The following MITF variants were observed in gnomAD, a reference collection of about 807,000 sequenced individuals.
MITF encodes the protein microphthalmia-associated transcription factor.
In MITF, 17 loss-of-function variants were observed where a neutral mutation model predicts 60.5. That is an observed-to-expected ratio of 0.28 (90% CI 0.19 to 0.42). The LOEUF is 0.42. MITF is among the 10% of genes least tolerant of loss of function. The probability of loss-of-function intolerance (pLI) is 1.00; values close to 1 mark genes in which losing one functional copy is unlikely to be tolerated. For missense variants in MITF, 622 were observed against 683.5 expected, an observed-to-expected ratio of 0.91 and a Z score of 1.00; for synonymous variants, 260 against 248.5, an observed-to-expected ratio of 1.05 and a Z score of -0.43.
chr3:69,798,965 G>A (rs1208831964), intron 1 of MITF, among the ~76,000 whole-genome samples: 1 of 152,106 alleles, frequency 6.6e-6, no homozygotes, highest in Admixed American at 6.5e-5. Flanking sequence ...TTATTTGTGT[G>A]ATCATTTGAT....
At chr3:69,832,339 G>A (rs890291915) in intron 1 of MITF, among the ~76,000 whole-genome samples, 4 of 152,208 alleles carry the variant, frequency 2.6e-5, no homozygotes, top group African/African-American at 9.6e-5. Flanking sequence ...GATACGAAGT[G>A]AAGGAGGCAT....
rs1286827941 is a variant in MITF at position 69,741,073 on chromosome 3, G to A, written c.104+1372G>A. ...CCATTGCTGAAGACTCTTTGTAGAT[G>A]CTTCACGGCAGATTGGAAGGAAACC... On this transcript the variant is annotated intron_variant, in intron 1 of 9. Coordinates refer to ENST00000352241, the MANE Select transcript of MITF (RefSeq NM_001354604.2). Among the ~76,000 whole-genome samples the A allele has an allele frequency of 2.0e-5, 3 of 152,318 alleles. No homozygotes were observed. In the South Asian group the frequency reaches 6.2e-4, roughly 32 times the overall value.
At chr3:69,763,937 A>G in intron 1 of MITF, 1 of 1,361,434 alleles carries the variant, frequency 7.3e-7, no homozygotes, top group Non-Finnish European at 9.8e-7. Flanking sequence ...GCCTGTTTTC[A>G]AGAAGGTAAT....
chr3:69,861,709 G>T (rs953025282), intron 1 of MITF, among the ~76,000 whole-genome samples: 1 of 152,120 alleles, frequency 6.6e-6, no homozygotes, highest in Non-Finnish European at 1.5e-5. Context: ...TCCCCATGGC[G>T]CTGAGAACAG....
chr3:69,860,558 A>C (rs1174143119), intron 1 of MITF, among the ~76,000 whole-genome samples: 1 of 147,978 alleles, frequency 6.8e-6, no homozygotes, highest in Non-Finnish European at 1.5e-5. Context: ...AGATCGCGCC[A>C]CAGCACTCCC....
At chr3:69,754,552 A>G (rs1427952651) in intron 1 of MITF, among the ~76,000 whole-genome samples, 1 of 151,608 alleles carries the variant, frequency 6.6e-6, no homozygotes, top group African/African-American at 2.4e-5. Flanking sequence ...CCTGAGGCCA[A>G]CCCAGAAGCT....
At chr3:69,857,686 T>C (rs1013570265) in intron 1 of MITF, among the ~76,000 whole-genome samples, 2 of 152,224 alleles carry the variant, frequency 1.3e-5, no homozygotes, top group African/African-American at 2.4e-5. Context: ...ATTGTCTGTT[T>C]AAATTAATAA....
intron 6 of MITF, among the ~76,000 whole-genome samples, chr3:69,950,627 G>GTGTATATATATATATATA (rs1460249905): frequency 1.4e-5 from 2 of 138,044 alleles, no homozygotes; most frequent in African/African-American, 5.4e-5. Context: ...TATATGGTGT[G>GTGTATATATATATATATA]TATATATATA....
chr3:69,819,218 C>A (rs974471202), intron 1 of MITF, among the ~76,000 whole-genome samples: 2 of 152,180 alleles, frequency 1.3e-5, no homozygotes, highest in African/African-American at 4.8e-5. Context: ...TTTTCTATAA[C>A]CTTCTTCCTC....
chr3:69,867,674 T>C (rs2064142594), intron 1 of MITF, among the ~76,000 whole-genome samples: 1 of 151,060 alleles, frequency 6.6e-6, no homozygotes. Context: ...TTGTGATTCA[T>C]TCTCTACAAA....
intron 1 of MITF, among the ~76,000 whole-genome samples, 179 bp downstream of exon 1, chr3:69,739,880 G>T (rs1703464035): frequency 6.6e-6 from 1 of 152,124 alleles, no homozygotes; most frequent in South Asian, 2.1e-4. Context: ...GCCCAAGTGC[G>T]CCTTTAGGAA....
At chr3:69,883,293 T>C (rs755408758) in intron 2 of MITF, among the ~76,000 whole-genome samples, 52 of 152,210 alleles carry the variant, frequency 3.4e-4, no homozygotes, top group Non-Finnish European at 6.8e-4. Flanking sequence ...TGGGACCTTC[T>C]ACATTGTAAA....
intron 1 of MITF, among the ~76,000 whole-genome samples, chr3:69,860,974 A>T (rs562699241): frequency 6.6e-6 from 1 of 152,330 alleles, no homozygotes; most frequent in South Asian, 2.1e-4. Context: ...GTGCTACTGC[A>T]CAGTTATTTC....
intron 2 of MITF, among the ~76,000 whole-genome samples, chr3:69,885,107 G>A (rs2064580693): frequency 6.6e-6 from 1 of 152,072 alleles, no homozygotes; most frequent in Non-Finnish European, 1.5e-5. Flanking sequence ...ATTTCATCAG[G>A]TTGTGGATAG....
At chr3:69,846,566 G>A (rs1370148363) in intron 1 of MITF, among the ~76,000 whole-genome samples, 1 of 152,136 alleles carries the variant, frequency 6.6e-6, no homozygotes, top group African/African-American at 2.4e-5. Context: ...TATAATCCCA[G>A]CACTTTGGGA....
chr3:69,757,539 G>T (rs555736648), intron 1 of MITF, among the ~76,000 whole-genome samples: 11 of 152,144 alleles, frequency 7.2e-5, no homozygotes, highest in Non-Finnish European at 1.6e-4. Flanking sequence ...TGGAATGGTG[G>T]GATGAGCTTC....
intron 1 of MITF, among the ~76,000 whole-genome samples, chr3:69,782,476 T>G (rs1016935288): frequency 1.3e-5 from 2 of 152,212 alleles, no homozygotes; most frequent in Non-Finnish European, 2.9e-5. Flanking sequence ...ATTCTTCCAT[T>G]TAATTGATGA....
chr3:69,872,805 T>G lies in MITF; in HGVS notation c.105-6329T>G, dbSNP rs79690582. ...GGTCTCAGCATTAGAAAGAAAAGAC[T>G]TCAGATTTTAAGTTGTGTGTGATTG... On this transcript the variant is annotated intron_variant, in intron 1 of 9. Coordinates refer to ENST00000352241, the MANE Select transcript of MITF (RefSeq NM_001354604.2). Among the ~76,000 whole-genome samples, 1,351 of 152,240 alleles carry G rather than the reference T, an allele frequency of 8.9e-3. 22 individuals are homozygous for G. The highest frequency in any genetic ancestry group is 0.031 in the African/African-American group (1,283 of 41,538).
chr3:69,742,917 T>C (rs774123059), intron 1 of MITF, among the ~76,000 whole-genome samples: 1 of 152,228 alleles, frequency 6.6e-6, no homozygotes, highest in Non-Finnish European at 1.5e-5. Context: ...TTTTTTCCCA[T>C]AGGGCTTATA....
Sources: allele counts gnomAD v4.1 joint callset (sites outside exome capture counted in the v4.1 genomes callset), GRCh38; gene constraint gnomAD v4.1.1; transcripts MANE v1.5; gene names NCBI Gene and HGNC (gene_info 2026-07-23, HGNC 2026-07-21).